CBFA2T2: variants seen among roughly 807,000 people sequenced by gnomAD.
CBFA2T2 encodes the protein CBFA2/RUNX1 partner transcriptional co-repressor 2.
Under a neutral mutation model 62.2 loss-of-function variants are expected in CBFA2T2, and 11 were observed. That is an observed-to-expected ratio of 0.18 (90% CI 0.11 to 0.29). The LOEUF (loss-of-function observed/expected upper bound fraction) is 0.29, where lower values mean the gene tolerates loss of function less well. Ranked by LOEUF, CBFA2T2 falls within the 10% of genes least tolerant of loss-of-function variation. The pLI is 1.00. For missense variants in CBFA2T2, 592 were observed against 774.1 expected (o/e 0.76, Z 2.79); for synonymous variants, 295 against 287.5 (o/e 1.03, Z -0.27).
chr20:33,614,571 C>A (rs751450019), intron 3 of CBFA2T2, among the ~76,000 whole-genome samples: 2 of 152,178 alleles, frequency 1.3e-5, no homozygotes, highest in South Asian at 4.1e-4. Context: ...ATTCCCCCCT[C>A]TCCCTAGACC....
intron 1 of CBFA2T2, among the ~76,000 whole-genome samples, chr20:33,547,687 A>ATGTGTG (rs60988030): frequency 0.13 from 17,755 of 139,022 alleles, 1,189 homozygotes; most frequent in Non-Finnish European, 0.15. Context: ...TCTCAAAAAA[A>ATGTGTG]TGTGTGTGTG....
chr20:33,499,661 A>G (rs2011246776), intron 1 of CBFA2T2, among the ~76,000 whole-genome samples: 2 of 152,188 alleles, frequency 1.3e-5, no homozygotes, highest in South Asian at 4.1e-4. Context: ...CTTTAAGTCT[A>G]GTTGAATTCT....
intron 1 of CBFA2T2, among the ~76,000 whole-genome samples, chr20:33,541,733 T>C (rs995263635): frequency 3.3e-5 from 5 of 152,374 alleles, no homozygotes; most frequent in Admixed American, 2.0e-4. Flanking sequence ...CCTTTATTGT[T>C]CTTTGCCTAG....
Position 33,611,211 on chromosome 20 carries a change from C to T in CBFA2T2, c.296C>T (p.Pro99Leu). 2 of 1,614,160 alleles carry T rather than the reference C, an allele frequency of 1.2e-6. No individual in the cohort carries two copies. Among genetic ancestry groups the T allele is most frequent in the Non-Finnish European group, 1.7e-6 (2 of 1,180,020 alleles). ...TSSALTNQQLPATCGARQLSK... is the reference protein window; with the variant it reads ...TSSALTNQQLLATCGARQLSK... Reference sequence around the variant, plus strand: ...TCTGCACTCACAAATCAGCAATTGCCAGCCACTTGTGGTGCTCGACAACTC... The same window carrying T: ...TCTGCACTCACAAATCAGCAATTGCTAGCCACTTGTGGTGCTCGACAACTC... The change falls in exon 3 of 11, where the codon CCA (proline) becomes CTA (leucine). Residue 99 changes from proline to leucine, a missense_variant. This residue lies in a region of CBFA2T2 where 449 missense variants were observed against 551.2 expected (regional missense o/e 0.81). Coordinates refer to ENST00000342704, the MANE Select transcript of CBFA2T2 (RefSeq NM_001032999.3).
intron 1 of CBFA2T2, among the ~76,000 whole-genome samples, chr20:33,517,260 G>A (rs1012737472): frequency 6.6e-6 from 1 of 152,126 alleles, no homozygotes; most frequent in African/African-American, 2.4e-5. Flanking sequence ...GAGCTGTGCT[G>A]GAAATGAAAA....
chr20:33,567,325 G>A (rs529404876), intron 1 of CBFA2T2, among the ~76,000 whole-genome samples: 49 of 152,284 alleles, frequency 3.2e-4, no homozygotes, highest in Middle Eastern at 3.4e-3. Flanking sequence ...GTGGGATGCA[G>A]TTCTGTATAT....
chr20:33,537,060 G>C (rs2146874964), intron 1 of CBFA2T2, among the ~76,000 whole-genome samples: 1 of 152,322 alleles, frequency 6.6e-6, no homozygotes, highest in South Asian at 2.1e-4. Context: ...GCCAGGCAGA[G>C]ATGCTCCTCA....
rs576242205 is a variant in CBFA2T2 at position 33,636,658 on chromosome 20, A to C, written c.1247A>C (p.Asn416Thr). 6.2e-7 allele frequency: 1 copy of C among 1,613,748 alleles called. No individual in the cohort carries two copies. Among genetic ancestry groups the C allele is most frequent in the East Asian group, 2.2e-5 (1 of 44,872 alleles). Residue 416 changes from asparagine (N) to threonine (T), a missense_variant, in exon 9 of 11, where the codon AAC (asparagine) becomes ACC (threonine). Around this residue, in one of 3 missense-constraint regions of CBFA2T2, gnomAD observed 449 missense variants for 551.2 expected, o/e 0.81. Coordinates refer to ENST00000342704, the MANE Select transcript of CBFA2T2 (RefSeq NM_001032999.3). ...TCTGCAGATTCTCAGAGAGAGTTCAACAGCAGGCCAGGTACAGGATACGTA... is the reference window on the plus strand; with the variant it reads ...TCTGCAGATTCTCAGAGAGAGTTCACCAGCAGGCCAGGTACAGGATACGTA... ...SLSNDSQREF[N>T]SRPGTGYVPV...
chr20:33,569,833 G>A (rs921100876), intron 1 of CBFA2T2, among the ~76,000 whole-genome samples: 1 of 152,104 alleles, frequency 6.6e-6, no homozygotes, highest in Non-Finnish European at 1.5e-5. Flanking sequence ...GGAACATAGG[G>A]CCATTTCTGT....
intron 1 of CBFA2T2, among the ~76,000 whole-genome samples, chr20:33,567,758 A>G (rs907549674): frequency 3.3e-5 from 5 of 151,708 alleles, no homozygotes; most frequent in Admixed American, 1.3e-4. Flanking sequence ...AATTTTTTGT[A>G]TTTTTAGTAG....
intron 10 of CBFA2T2, among the ~76,000 whole-genome samples, chr20:33,643,979 GCA>G (rs1339498105): frequency 6.6e-6 from 1 of 150,660 alleles, no homozygotes; most frequent in Non-Finnish European, 1.5e-5. Context: ...GGAGACCCTG[GCA>G]CAGAGTTTGG....
intron 1 of CBFA2T2, among the ~76,000 whole-genome samples, chr20:33,561,804 G>A (rs2013100702): frequency 6.6e-6 from 1 of 152,130 alleles, no homozygotes; most frequent in Non-Finnish European, 1.5e-5. Flanking sequence ...AATCTTTACA[G>A]CATCAGAACC....
intron 1 of CBFA2T2, among the ~76,000 whole-genome samples, chr20:33,554,558 T>TTTTTCTTTTCTTTTC (rs143747291): frequency 2.4e-4 from 36 of 149,572 alleles, no homozygotes; most frequent in African/African-American, 8.5e-4. Context: ...CTATTTTTCT[T>TTTTTCTTTTCTTTTC]TTTTCTTTTC....
intron 1 of CBFA2T2, among the ~76,000 whole-genome samples, chr20:33,593,764 A>G (rs1183296421): frequency 1.4e-5 from 2 of 141,336 alleles, no homozygotes; most frequent in African/African-American, 5.5e-5. Flanking sequence ...TAATCTCTGT[A>G]AAAAGCTACC....
intron 1 of CBFA2T2, among the ~76,000 whole-genome samples, chr20:33,552,664 T>C (rs1308531758): frequency 6.6e-6 from 1 of 152,198 alleles, no homozygotes; most frequent in Non-Finnish European, 1.5e-5. Context: ...GTTTGCAAGA[T>C]TATCTAACAT....
intron 1 of CBFA2T2, among the ~76,000 whole-genome samples, chr20:33,590,128 T>C (rs2014550583): frequency 6.6e-6 from 1 of 151,678 alleles, no homozygotes; most frequent in African/African-American, 2.4e-5. Flanking sequence ...CACCTATAGT[T>C]CCAGCTACTT....
At chr20:33,636,573 T>A in intron 8 of CBFA2T2, 67 bp from the exon 9 acceptor site, 1 of 1,198,652 alleles carries the variant, frequency 8.3e-7, no homozygotes, top group Non-Finnish European at 1.2e-6. Flanking sequence ...ATGAGAAATC[T>A]GATCAAAAAT....
chr20:33,591,994 TTGTC>T (rs2014667067), intron 1 of CBFA2T2, among the ~76,000 whole-genome samples: 1 of 152,172 alleles, frequency 6.6e-6, no homozygotes, highest in South Asian at 2.1e-4. Context: ...TCTGTTTTCA[TTGTC>T]TGTCACCATG....
At position 33,618,116 on chromosome 20, in the gene CBFA2T2, G is replaced by C. The variant is rs916440760; in HGVS notation, c.421-1401G>C. Among the ~76,000 whole-genome samples the C allele has an allele frequency of 2.0e-5, 3 of 150,468 alleles. No homozygotes were observed. In the East Asian group the frequency reaches 5.8e-4, roughly 29 times the overall value. ...TACCCCCTCCCTGCATAAGCATTCTGATACATGACTCTTGTAATTTTAATG... is the reference window on the plus strand; with the variant it reads ...TACCCCCTCCCTGCATAAGCATTCTCATACATGACTCTTGTAATTTTAATG... On this transcript the variant is annotated intron_variant, in intron 3 of 10. Coordinates refer to ENST00000342704, the MANE Select transcript of CBFA2T2 (RefSeq NM_001032999.3).
Sources: allele counts gnomAD v4.1 joint callset (sites outside exome capture counted in the v4.1 genomes callset), GRCh38; gene constraint gnomAD v4.1.1; regional missense constraint gnomAD v4.1.1; transcripts MANE v1.5; gene names NCBI Gene and HGNC (gene_info 2026-07-23, HGNC 2026-07-21).